Variants in PPP3CA observed in about 807,000 individuals in gnomAD.
PPP3CA encodes protein phosphatase 3 catalytic subunit alpha, also known as CAM-PRP catalytic subunit.
Under a neutral mutation model 66.5 loss-of-function variants are expected in PPP3CA, and 14 were observed. The ratio of observed to expected loss-of-function variants is 0.21; its 90% CI spans 0.14 to 0.33. PPP3CA has a LOEUF of 0.33. Ranked by LOEUF, PPP3CA falls within the 10% of genes least tolerant of loss-of-function variation. The probability of loss-of-function intolerance (pLI) is 1.00; values close to 1 mark genes in which losing one functional copy is unlikely to be tolerated. For missense variants in PPP3CA, 317 were observed against 639.5 expected, an observed-to-expected ratio of 0.50 and a Z score of 5.44; for synonymous variants, 232 against 226.2, an observed-to-expected ratio of 1.03 and a Z score of -0.23.
chr4:101,252,876 T>C (rs915736185), intron 1 of PPP3CA, among the ~76,000 whole-genome samples: 1 of 152,152 alleles, frequency 6.6e-6, no homozygotes, highest in Admixed American at 6.6e-5. Flanking sequence ...AGGCCCACAC[T>C]TAATATTTGG....
intron 1 of PPP3CA, among the ~76,000 whole-genome samples, chr4:101,247,667 G>A (rs1396012443): frequency 1.3e-5 from 2 of 151,992 alleles, no homozygotes; most frequent in African/African-American, 4.8e-5. Flanking sequence ...TATTTTGTAT[G>A]TATTAAGGTA....
chr4:101,246,937 T>C (rs1002313770), intron 1 of PPP3CA, among the ~76,000 whole-genome samples: 1 of 152,094 alleles, frequency 6.6e-6, no homozygotes, highest in Non-Finnish European at 1.5e-5. Flanking sequence ...CCCCACAAAA[T>C]AACAGAATGA....
chr4:101,318,392 C>T (rs1428312067), intron 1 of PPP3CA, among the ~76,000 whole-genome samples: 2 of 152,026 alleles, frequency 1.3e-5, no homozygotes, highest in Non-Finnish European at 2.9e-5. Flanking sequence ...TGTATTTTTC[C>T]TTGAATAATG....
At chr4:101,161,317 T>C (rs1166133141) in intron 2 of PPP3CA, among the ~76,000 whole-genome samples, 1 of 152,196 alleles carries the variant, frequency 6.6e-6, no homozygotes. Flanking sequence ...AAAGTGTGAC[T>C]ATAACATTTT....
intron 8 of PPP3CA, among the ~76,000 whole-genome samples, chr4:101,063,657 A>T (rs560578773): frequency 2.0e-4 from 31 of 152,086 alleles, no homozygotes; most frequent in Admixed American, 1.8e-3. Flanking sequence ...TTCAGCCAAG[A>T]ATACTTTGGT....
intron 1 of PPP3CA, among the ~76,000 whole-genome samples, chr4:101,332,710 C>A (rs1729427474): frequency 6.6e-6 from 1 of 152,192 alleles, no homozygotes; most frequent in African/African-American, 2.4e-5. Flanking sequence ...CATAATATTC[C>A]TCTCGTCGTT....
chr4:101,072,873 T>C (rs1434718101), intron 8 of PPP3CA, among the ~76,000 whole-genome samples: 1 of 150,166 alleles, frequency 6.7e-6, no homozygotes, highest in African/African-American at 2.5e-5. Flanking sequence ...AAGGCGGAGC[T>C]TGCAGTGAGC....
intron 5 of PPP3CA, among the ~76,000 whole-genome samples, chr4:101,094,412 TA>T (rs760962161): frequency 4.6e-5 from 7 of 152,222 alleles, no homozygotes; most frequent in South Asian, 2.1e-4. Context: ...ATGCTTATGT[TA>T]TTTTTTTATA....
At chr4:101,334,021 T>G (rs1277273961) in intron 1 of PPP3CA, among the ~76,000 whole-genome samples, 1 of 152,176 alleles carries the variant, frequency 6.6e-6, no homozygotes. Context: ...ATGGATGGCT[T>G]AATAAGTAGA....
At chr4:101,277,650 G>C (rs1727544960) in intron 1 of PPP3CA, among the ~76,000 whole-genome samples, 1 of 152,072 alleles carries the variant, frequency 6.6e-6, no homozygotes, top group Admixed American at 6.5e-5. Flanking sequence ...ACATAGCATA[G>C]CAAAAATGCT....
chr4:101,346,474 C>T (rs1267167711), intron 1 of PPP3CA, among the ~76,000 whole-genome samples: 1 of 152,118 alleles, frequency 6.6e-6, no homozygotes, highest in Non-Finnish European at 1.5e-5. Flanking sequence ...CCGCCGCCAC[C>T]TCCCCGCGGC....
chr4:101,025,651 G>A lies in PPP3CA; in HGVS notation c.*214C>T. ...ATTTTTAAAAGGCATACCCAAAAGAGGTGTTTAATCACCATCCCCACCAAA... is the reference window on the plus strand; with the variant it reads ...ATTTTTAAAAGGCATACCCAAAAGAAGTGTTTAATCACCATCCCCACCAAA... On this transcript the variant is annotated 3_prime_UTR_variant, in exon 14 of 14. Coordinates refer to ENST00000394854, the MANE Select transcript of PPP3CA (RefSeq NM_000944.5). 2.2e-6 allele frequency: 1 copy of A among 444,924 alleles called. No homozygotes were observed. The highest frequency in any genetic ancestry group is 3.5e-5 in the East Asian group (1 of 28,834). The allele number at this position is 444,924 out of a possible 1,614,324, so 27.6% of individuals were successfully genotyped here.
intron 1 of PPP3CA, among the ~76,000 whole-genome samples, chr4:101,287,766 C>CTTT (rs34972470): frequency 6.8e-6 from 1 of 146,178 alleles, no homozygotes; most frequent in African/African-American, 2.5e-5. Flanking sequence ...ATTAACCTCT[C>CTTT]TTTTTTTTTT....
At chr4:101,298,723 G>A (rs562327448) in intron 1 of PPP3CA, among the ~76,000 whole-genome samples, 2 of 152,054 alleles carry the variant, frequency 1.3e-5, no homozygotes, top group South Asian at 2.1e-4. Context: ...TATCCATCAG[G>A]CTTCCAGCCA....
chr4:101,203,525 T>C (rs1017585337), intron 1 of PPP3CA, among the ~76,000 whole-genome samples: 4 of 152,022 alleles, frequency 2.6e-5, no homozygotes, highest in Non-Finnish European at 4.4e-5. Flanking sequence ...AAAATTATTC[T>C]TCAACTATAA....
At chr4:101,091,634 CA>C (rs1729946455) in intron 6 of PPP3CA, among the ~76,000 whole-genome samples, 1 of 151,714 alleles carries the variant, frequency 6.6e-6, no homozygotes. Context: ...GTATATGGAA[CA>C]AAATGTCCTA....
chr4:101,131,544 A>C (rs923410908), intron 2 of PPP3CA, among the ~76,000 whole-genome samples: 2 of 152,164 alleles, frequency 1.3e-5, no homozygotes, highest in Non-Finnish European at 2.9e-5. Context: ...ATGCAACAAG[A>C]AGAGCTAACT....
intron 1 of PPP3CA, among the ~76,000 whole-genome samples, chr4:101,323,128 A>C (rs1729093533): frequency 6.6e-6 from 1 of 152,132 alleles, no homozygotes; most frequent in Non-Finnish European, 1.5e-5. Context: ...GGGTCCCTTG[A>C]AGGGCCCACA....
At chr4:101,080,258 A>C (rs1162231921) in intron 8 of PPP3CA, among the ~76,000 whole-genome samples, 2 of 152,106 alleles carry the variant, frequency 1.3e-5, no homozygotes, top group African/African-American at 4.8e-5. Context: ...ATTTCTTTTA[A>C]AGTCTTTGTC....
Sources: allele counts gnomAD v4.1 joint callset (sites outside exome capture counted in the v4.1 genomes callset), GRCh38; gene constraint gnomAD v4.1.1; transcripts MANE v1.5; gene names NCBI Gene and HGNC (gene_info 2026-07-23, HGNC 2026-07-21).